PLCH1: variants seen among roughly 807,000 people sequenced by gnomAD.
PLCH1 encodes the protein 1-phosphatidylinositol 4,5-bisphosphate phosphodiesterase eta-1.
In PLCH1, 60 loss-of-function variants were observed where a neutral mutation model predicts 126.7. That is an observed-to-expected ratio of 0.47 (90% CI 0.38 to 0.59). The LOEUF (loss-of-function observed/expected upper bound fraction) is 0.59, where lower values mean the gene tolerates loss of function less well. PLCH1 is among the 20% of genes least tolerant of loss of function. PLCH1 has a pLI of 0.00. For synonymous variants in PLCH1, 719 were observed against 734.9 expected, an observed-to-expected ratio of 0.98 and a Z score of 0.35; for missense variants, 1,723 against 2,040.0, an observed-to-expected ratio of 0.84 and a Z score of 2.99.
intron 2 of PLCH1, among the ~76,000 whole-genome samples, chr3:155,614,649 C>A (rs1317828501): frequency 2.6e-5 from 4 of 152,014 alleles, no homozygotes; most frequent in African/African-American, 7.2e-5. Flanking sequence ...AGCCAACTGA[C>A]CTTCAACTAA....
At chr3:155,677,707 T>C (rs1263366663) in intron 2 of PLCH1, among the ~76,000 whole-genome samples, 4 of 152,200 alleles carry the variant, frequency 2.6e-5, no homozygotes. Flanking sequence ...ATCACAATTA[T>C]ATATTATTAT....
chr3:155,627,492 G>C (rs7649660), intron 2 of PLCH1, among the ~76,000 whole-genome samples: 73,675 of 151,636 alleles, frequency 0.49, 20,279 homozygotes, highest in African/African-American at 0.74. Flanking sequence ...AAATTAGCCC[G>C]GCGTGGTGGC....
At chr3:155,572,648 A>G (rs1204788347) in intron 6 of PLCH1, among the ~76,000 whole-genome samples, 2 of 148,736 alleles carry the variant, frequency 1.3e-5, no homozygotes, top group Non-Finnish European at 3.0e-5. Flanking sequence ...ATTTTTTTCT[A>G]TTTCTTTTTT....
intron 10 of PLCH1, among the ~76,000 whole-genome samples, chr3:155,540,146 C>T (rs998013166): frequency 2.0e-5 from 3 of 152,088 alleles, no homozygotes; most frequent in Non-Finnish European, 4.4e-5. Context: ...GGAGAAAGGA[C>T]ACCATATTCA....
chr3:155,634,629 C>T (rs1738499941), intron 2 of PLCH1, among the ~76,000 whole-genome samples: 1 of 152,176 alleles, frequency 6.6e-6, no homozygotes, highest in African/African-American at 2.4e-5. Flanking sequence ...GCTCTGGGCT[C>T]CAGAGGCTGG....
chr3:155,700,182 G>A (rs358712), intron 2 of PLCH1, among the ~76,000 whole-genome samples: 60,585 of 151,916 alleles, frequency 0.4, 12,835 homozygotes, highest in African/African-American at 0.53. Context: ...TCAGGATCCC[G>A]TTTCAGCCTA....
At chr3:155,484,507 A>G (rs1037736931) in intron 22 of PLCH1, among the ~76,000 whole-genome samples, 1 of 152,242 alleles carries the variant, frequency 6.6e-6, no homozygotes, top group African/African-American at 2.4e-5. Context: ...AAAAGTTAAA[A>G]GAATAATTTT....
In PLCH1 at chr3:155,549,828, G is replaced by T; in HGVS notation, c.1321C>A (p.Leu441Ile). 1 of 1,613,696 alleles carries T rather than the reference G, an allele frequency of 6.2e-7. No homozygotes were observed. Among genetic ancestry groups the T allele is most frequent in the Non-Finnish European group, 8.5e-7 (1 of 1,179,838 alleles). Residue 441 changes from leucine to isoleucine, a missense_variant, in exon 10 of 23, where the codon CTT becomes ATT. Leu to Ile is a conservative substitution (Grantham distance 5). This residue lies in a region of PLCH1 where 776 missense variants were observed against 1,062.9 expected (regional missense o/e 0.73). Transcript: ENST00000460012. ...CCTTTCAAACTTTGAGGGCTTGGAA[G>T]CTGCTTGCACTCCCCTGTATCAACA... ...SSVDTGECKQ[L>I]PSPQSLKGKI...
chr3:155,578,119 C>A (rs748402770), intron 6 of PLCH1, among the ~76,000 whole-genome samples: 12 of 152,210 alleles, frequency 7.9e-5, no homozygotes, highest in Middle Eastern at 3.4e-3. Flanking sequence ...GAGAGTTCTG[C>A]AAGTAAGGAT....
At chr3:155,504,468 T>G in intron 13 of PLCH1, 87 bp downstream of exon 13, 1 of 730,012 alleles carries the variant, frequency 1.4e-6, no homozygotes, top group Admixed American at 2.2e-5. Flanking sequence ...TCTTCAGTTA[T>G]TCCAAGGTCA....
rs145730794 is a variant in PLCH1 at position 155,651,460 on chromosome 3, G to C, written c.79+52686C>G. 3.3e-3 allele frequency among the ~76,000 whole-genome samples: 495 copies of C among 152,228 alleles called. 2 individuals are homozygous for C. The highest frequency in any genetic ancestry group is 0.02 in the South Asian group (97 of 4,824). On this transcript the variant is annotated intron_variant, in intron 2 of 22. Transcript: ENST00000460012. ...ATCTACAGAGGGGAATAGCAAGTTG[G>C]GGGGTTGGAGGGGGTGGCGTGGAGG...
chr3:155,689,866 G>C (rs1398972806), intron 2 of PLCH1, among the ~76,000 whole-genome samples: 1 of 151,980 alleles, frequency 6.6e-6, no homozygotes, highest in Non-Finnish European at 1.5e-5. Flanking sequence ...TTTATTCAAA[G>C]AGATAATATC....
intron 4 of PLCH1, among the ~76,000 whole-genome samples, chr3:155,590,845 A>G (rs1308767709): frequency 2.0e-5 from 3 of 152,052 alleles, no homozygotes; most frequent in South Asian, 2.1e-4. Flanking sequence ...AACCTTTCTC[A>G]TTTTTCACTT....
intron 21 of PLCH1, among the ~76,000 whole-genome samples, chr3:155,469,817 C>T (rs1413378011): frequency 3.3e-5 from 5 of 152,104 alleles, no homozygotes; most frequent in Non-Finnish European, 7.4e-5. Context: ...CAGGGGCACA[C>T]TGACACCTCA....
chr3:155,645,764 G>A (rs969507295), intron 2 of PLCH1, among the ~76,000 whole-genome samples: 1 of 152,062 alleles, frequency 6.6e-6, no homozygotes, highest in Non-Finnish European at 1.5e-5. Context: ...CAGTTCCCTA[G>A]AAACAGGAGG....
At position 155,547,763 on chromosome 3, in the gene PLCH1, C is replaced by A. The variant is rs1725559222; in HGVS notation, c.1362+2024G>T. 1.3e-5 allele frequency among the ~76,000 whole-genome samples: 2 copies of A among 151,122 alleles called. 1 individual carries two copies. Among genetic ancestry groups the A allele is most frequent in the African/African-American group, 4.9e-5 (2 of 41,090 alleles). ...TAGGGACATGGATGAAATTGGAAATCATCATTCTCAGTAAACTATCGCAAG... is the reference window on the plus strand; with the variant it reads ...TAGGGACATGGATGAAATTGGAAATAATCATTCTCAGTAAACTATCGCAAG... On this transcript the variant is annotated intron_variant, in intron 10 of 22. Transcript: ENST00000460012.
chr3:155,603,774 A>G (rs1265970009), intron 2 of PLCH1, among the ~76,000 whole-genome samples: 1 of 152,118 alleles, frequency 6.6e-6, no homozygotes, highest in Admixed American at 6.5e-5. Flanking sequence ...TACTACAGAC[A>G]TGATTTTTTT....
chr3:155,451,813 C>A (rs1486785428), intron 21 of PLCH1, among the ~76,000 whole-genome samples: 1 of 152,176 alleles, frequency 6.6e-6, no homozygotes, highest in African/African-American at 2.4e-5. Flanking sequence ...CAGACTGAAT[C>A]TTACATCATT....
At chr3:155,737,735 T>C (rs1358131062) in intron 1 of PLCH1, among the ~76,000 whole-genome samples, 1 of 152,216 alleles carries the variant, frequency 6.6e-6, no homozygotes, top group African/African-American at 2.4e-5. Context: ...TATGATTTTA[T>C]AGCAAATCAA....
Sources: gnomAD v4.1 joint callset for allele counts (sites outside exome capture counted in the v4.1 genomes callset) on GRCh38, gnomAD v4.1.1 for gene constraint, gnomAD v4.1.1 regional missense constraint, MANE v1.5 for transcripts, NCBI Gene and HGNC (gene_info 2026-07-23, HGNC 2026-07-21) for gene names.